Variants in PVT1 observed in about 807,000 individuals in gnomAD.
PVT1 encodes the protein CXCR4/PVT1 fusion.
chr8:128,058,033 C>G (rs974375674), intron 4 of PVT1, among the ~76,000 whole-genome samples: 3 of 152,182 alleles, frequency 2.0e-5, no homozygotes, highest in Non-Finnish European at 4.4e-5. Context: ...TCATCAGGAG[C>G]TGGGGCTCCT....
At chr8:128,068,736 C>T (rs1251665549) in intron 4 of PVT1, among the ~76,000 whole-genome samples, 1 of 152,224 alleles carries the variant, frequency 6.6e-6, no homozygotes, top group Non-Finnish European at 1.5e-5. Context: ...TCGTGATCCA[C>T]CTGTCTCGGC....
chr8:128,073,396 GAC>G (rs759692646), intron 5 of PVT1, among the ~76,000 whole-genome samples: 4 of 151,684 alleles, frequency 2.6e-5, no homozygotes, highest in Non-Finnish European at 5.9e-5. Flanking sequence ...CCTTCCTTTT[GAC>G]ACAGGTCACC....
At chr8:127,828,775 A>G (rs1013957336) in intron 2 of PVT1, among the ~76,000 whole-genome samples, 28 of 152,052 alleles carry the variant, frequency 1.8e-4, no homozygotes, top group Non-Finnish European at 3.4e-4. Flanking sequence ...CTCGTGGCCA[A>G]TTTGTCTTTG....
intron 2 of PVT1, among the ~76,000 whole-genome samples, chr8:127,822,843 T>G (rs544556160): frequency 2.6e-5 from 4 of 152,100 alleles, no homozygotes; most frequent in Non-Finnish European, 4.4e-5. Flanking sequence ...ATGTGGCAAG[T>G]GGGAAATGAA....
chr8:127,887,395 T>C (rs1815535136), intron 2 of PVT1, among the ~76,000 whole-genome samples: 1 of 152,242 alleles, frequency 6.6e-6, no homozygotes, highest in Admixed American at 6.5e-5. Flanking sequence ...TTAGAAATCT[T>C]TGTTCTAATT....
intron 3 of PVT1, among the ~76,000 whole-genome samples, chr8:127,894,130 G>C (rs1815644657): frequency 6.6e-6 from 1 of 152,138 alleles, no homozygotes; most frequent in Admixed American, 6.5e-5. Flanking sequence ...TGGAATTATT[G>C]ACAGCACACT....
chr8:128,097,508 A>T (rs949637467), intron 6 of PVT1, among the ~76,000 whole-genome samples: 27 of 152,208 alleles, frequency 1.8e-4, no homozygotes, highest in African/African-American at 6.0e-4. Context: ...CCATCTGGCT[A>T]GCAAAGCCTA....
intron 4 of PVT1, among the ~76,000 whole-genome samples, chr8:128,043,523 A>C (rs1813570919): frequency 6.6e-6 from 1 of 152,196 alleles, no homozygotes; most frequent in African/African-American, 2.4e-5. Flanking sequence ...TCGCTCGCTC[A>C]TAGAAGGAGA....
chr8:128,033,214 T>A (rs1200691076), intron 4 of PVT1, among the ~76,000 whole-genome samples: 1 of 152,220 alleles, frequency 6.6e-6, no homozygotes, highest in African/African-American at 2.4e-5. Context: ...ATGAATGGTA[T>A]GATTCTCCGA....
At chr8:127,817,496 T>C (rs1252771284) in intron 2 of PVT1, among the ~76,000 whole-genome samples, 1 of 133,114 alleles carries the variant, frequency 7.5e-6, no homozygotes, top group Admixed American at 7.7e-5. Flanking sequence ...TGTGTGTATA[T>C]ACATATATAT....
intron 5 of PVT1, chr8:128,082,718 G>A (rs1814203131): frequency 6.6e-6 from 1 of 152,220 alleles, no homozygotes; most frequent in African/African-American, 2.4e-5. Context: ...CCTTACAAAG[G>A]AAGCTTATTA....
intron 5 of PVT1, among the ~76,000 whole-genome samples, chr8:128,089,466 C>A (rs1814320882): frequency 6.6e-6 from 1 of 152,152 alleles, no homozygotes; most frequent in South Asian, 2.1e-4. Flanking sequence ...GCTCCACTGT[C>A]ATGACCATCA....
intron 3 of PVT1, among the ~76,000 whole-genome samples, chr8:127,902,989 G>C (rs1486882252): frequency 6.6e-6 from 1 of 152,108 alleles, no homozygotes; most frequent in Non-Finnish European, 1.5e-5. Flanking sequence ...AGTTCAACTT[G>C]GAGTTTTCTG....
intron 4 of PVT1, among the ~76,000 whole-genome samples, chr8:128,041,042 C>A (rs1220629778): frequency 1.6e-5 from 2 of 126,180 alleles, no homozygotes; most frequent in African/African-American, 5.9e-5. Context: ...GTGTTGAGTG[C>A]CTGTGTGTTT....
At chr8:127,872,255 AAT>A (rs2129771546) in intron 2 of PVT1, among the ~76,000 whole-genome samples, 1 of 151,776 alleles carries the variant, frequency 6.6e-6, no homozygotes, top group East Asian at 1.9e-4. Flanking sequence ...CTCCACTAAA[AAT>A]ACAAAAATAG....
At chr8:127,826,087 T>C (rs1814786165) in intron 2 of PVT1, among the ~76,000 whole-genome samples, 1 of 146,628 alleles carries the variant, frequency 6.8e-6, no homozygotes, top group Non-Finnish European at 1.5e-5. Context: ...TTCGAACTCC[T>C]TGGCTCAAAC....
At chr8:127,834,053 A>G (rs1287855417) in intron 2 of PVT1, among the ~76,000 whole-genome samples, 1 of 152,092 alleles carries the variant, frequency 6.6e-6, no homozygotes, top group Non-Finnish European at 1.5e-5. Flanking sequence ...CTCCCTGCCC[A>G]TAGGTAATAT....
chr8:127,998,370 G>A (rs117153259), intron 4 of PVT1: 3 of 152,114 alleles, frequency 2.0e-5, no homozygotes, highest in Non-Finnish European at 4.4e-5. Context: ...GTATTTATTT[G>A]ATAATTTTTA....
chr8:128,016,974 C>G (rs372185274), intron 4 of PVT1, among the ~76,000 whole-genome samples: 2 of 152,006 alleles, frequency 1.3e-5, no homozygotes, highest in African/African-American at 4.8e-5. Context: ...TGGCTTGAGC[C>G]CAGGAGTTCA....
Sources: allele counts gnomAD v4.1 joint callset (sites outside exome capture counted in the v4.1 genomes callset), GRCh38; gene constraint gnomAD v4.1.1; transcripts MANE v1.5; gene names NCBI Gene and HGNC (gene_info 2026-07-23, HGNC 2026-07-21).